Variants in TRIM14 observed in about 807,000 individuals in gnomAD.
TRIM14 encodes tripartite motif-containing protein 14.
A neutral mutation model predicts 44.5 loss-of-function variants in TRIM14; 28 were observed. The ratio of observed to expected loss-of-function variants is 0.63; its 90% CI spans 0.47 to 0.86. The LOEUF is 0.86. TRIM14 is among the 40% of genes least tolerant of loss of function. The pLI is 0.00. For missense variants in TRIM14, 607 were observed against 611.1 expected, an observed-to-expected ratio of 0.99 and a Z score of 0.07; for synonymous variants, 299 against 269.2, an observed-to-expected ratio of 1.11 and a Z score of -1.08.
intron 2 of TRIM14, among the ~76,000 whole-genome samples, chr9:98,108,395 ATAT>A: frequency 6.6e-6 from 1 of 151,912 alleles, no homozygotes; most frequent in East Asian, 1.9e-4. Flanking sequence ...AGTTTTTTGG[ATAT>A]TTTTTTTTTC....
downstream of TRIM14, among the ~76,000 whole-genome samples, chr9:98,065,248 A>G (rs957972271): frequency 2.0e-5 from 3 of 151,580 alleles, no homozygotes; most frequent in Non-Finnish European, 2.9e-5. Context: ...ACAGAGAATT[A>G]CAATGTTTAG....
intron 5 of TRIM14, 70 bp downstream of exon 5, chr9:98,091,839 T>C: frequency 9.3e-7 from 1 of 1,075,412 alleles, no homozygotes; most frequent in South Asian, 2.9e-5. Context: ...TCCATTTCCA[T>C]GATCCTCCTC....
intron 5 of TRIM14, among the ~76,000 whole-genome samples, chr9:98,089,337 T>C (rs147316687): frequency 0.015 from 2,264 of 152,166 alleles, 58 homozygotes; most frequent in African/African-American, 0.052. Context: ...CCACCACGCC[T>C]GGCTAATTTT....
At position 98,119,124 on chromosome 9, in the gene TRIM14, C is replaced by T. The variant is rs1316047001; in HGVS notation, c.65G>A (p.Trp22Ter). 6.3e-7 allele frequency: 1 copy of T among 1,587,438 alleles called. No individual in the cohort carries two copies. The highest frequency in any genetic ancestry group is 8.5e-7 in the Non-Finnish European group (1 of 1,176,170). ...GRSELVEGCG[W>*]RCPEHGDRVA... ...GCGGTCGCCATGCTCCGGGCAGCGC[C>T]AGCCGCATCCCTCGACAAGCTCCGA... The change falls in exon 1 of 6, where the codon TGG becomes TAG. Residue 22 changes from tryptophan to a stop codon, truncating the protein, a stop_gained. Coordinates refer to ENST00000341469, the MANE Select transcript of TRIM14 (RefSeq NM_014788.4). LOFTEE classifies it high-confidence loss of function.
intron 6 of TRIM14, chr9:98,074,635 T>C (rs1272654834): frequency 6.6e-6 from 1 of 152,172 alleles, no homozygotes; most frequent in Non-Finnish European, 1.5e-5. Flanking sequence ...AATTGGCCTT[T>C]TTCTTTACTT....
At chr9:98,049,340 T>TAAA in the TRIM14 span, among the ~76,000 whole-genome samples, 5 of 67,026 alleles carry the variant, frequency 7.5e-5, no homozygotes, top group South Asian at 6.8e-4. Flanking sequence ...AGACTCTGCA[T>TAAA]AAAAAAAAAA....
At chr9:98,080,675 G>A, downstream of TRIM14, 1 of 859,748 alleles carries the variant, frequency 1.2e-6, no homozygotes, top group East Asian at 2.7e-5. Context: ...GGAAAGAGAG[G>A]CTCAGAGAGC....
At chr9:98,100,249 T>A in intron 2 of TRIM14, 85 bp from the exon 3 acceptor site, 1 of 1,289,980 alleles carries the variant, frequency 7.8e-7, no homozygotes, top group Non-Finnish European at 1.1e-6. Context: ...TCATAACGTC[T>A]GAAATGTGAG....
At chr9:98,036,346 C>T in the TRIM14 span, among the ~76,000 whole-genome samples, 1 of 151,622 alleles carries the variant, frequency 6.6e-6, no homozygotes, top group African/African-American at 2.4e-5. Context: ...ACTAAAAATA[C>T]GAAAATTAGC....
the TRIM14 span, among the ~76,000 whole-genome samples, chr9:98,046,770 A>G: frequency 3.6e-4 from 55 of 152,238 alleles, no homozygotes; most frequent in African/African-American, 1.3e-3. Flanking sequence ...AGATTTCCAT[A>G]TTTTTATTTA....
At chr9:98,046,285 A>G in the TRIM14 span, among the ~76,000 whole-genome samples, 2 of 152,292 alleles carry the variant, frequency 1.3e-5, no homozygotes, top group East Asian at 3.9e-4. Context: ...CCCTGGAAGC[A>G]GCGAAGTCTT....
intron 2 of TRIM14, among the ~76,000 whole-genome samples, chr9:98,101,586 T>C (rs1826394462): frequency 1.3e-5 from 2 of 152,126 alleles, no homozygotes; most frequent in Non-Finnish European, 2.9e-5. Flanking sequence ...CATGCCTGGC[T>C]AATTTTTGTA....
intron 4 of TRIM14, 64 bp from the exon 5 acceptor site, chr9:98,092,065 A>G: frequency 7.8e-7 from 1 of 1,274,530 alleles, no homozygotes; most frequent in Non-Finnish European, 1.1e-6. Flanking sequence ...AAGACGTGCT[A>G]AAAATACCAC....
intron 6 of TRIM14, among the ~76,000 whole-genome samples, chr9:98,070,244 A>G (rs775057026): frequency 6.6e-6 from 1 of 152,084 alleles, no homozygotes; most frequent in Non-Finnish European, 1.5e-5. Flanking sequence ...CAGCCTCCCA[A>G]GTAGCTGGGA....
intron 6 of TRIM14, among the ~76,000 whole-genome samples, chr9:98,071,184 C>A (rs142920018): frequency 1.6e-4 from 24 of 152,322 alleles, no homozygotes; most frequent in African/African-American, 3.8e-4. Flanking sequence ...TACACATACC[C>A]CAGCTGTGTG....
chr9:98,060,963 T>G, the TRIM14 span: 4 of 1,613,780 alleles, frequency 2.5e-6, no homozygotes, highest in Non-Finnish European at 3.4e-6. Flanking sequence ...GCCGAGGAGG[T>G]TGGGATCTTC....
At chr9:98,098,954 T>C (rs1485921692) in intron 3 of TRIM14, among the ~76,000 whole-genome samples, 1 of 152,024 alleles carries the variant, frequency 6.6e-6, no homozygotes, top group Non-Finnish European at 1.5e-5. Flanking sequence ...GTATTTTTAG[T>C]AGAGAGGTGG....
At chr9:98,092,275 A>T (rs1377136585) in intron 4 of TRIM14, among the ~76,000 whole-genome samples, 1 of 152,216 alleles carries the variant, frequency 6.6e-6, no homozygotes, top group Non-Finnish European at 1.5e-5. Flanking sequence ...TGCAGATTCC[A>T]GGGTAAAGAT....
rs756706679 is a variant in TRIM14, at chr9:98,095,403, G to A, written c.538-374C>T. On this transcript the variant is annotated intron_variant, in intron 3 of 5. Coordinates refer to ENST00000341469, the MANE Select transcript of TRIM14 (RefSeq NM_014788.4). The surrounding 1 kb of genome is among the most constrained non-coding windows in gnomAD (Gnocchi z 4.1). The stretch of plus-strand genomic sequence containing the variant: ...GAGGCTTCAGCCTCACACACACTGC[G>A]CCACGGGTCTGCCTTGGGTACAAAA... Among the ~76,000 whole-genome samples, 20 of 152,196 alleles carry A rather than the reference G, an allele frequency of 1.3e-4. No individual in the cohort carries two copies. The highest frequency in any genetic ancestry group is 2.2e-4 in the Non-Finnish European group (15 of 68,044).
Sources: gnomAD v4.1 joint callset for allele counts (sites outside exome capture counted in the v4.1 genomes callset) on GRCh38, gnomAD v4.1.1 for gene constraint, Gnocchi (gnomAD v3.1) non-coding constraint, MANE v1.5 for transcripts, NCBI Gene and HGNC (gene_info 2026-07-23, HGNC 2026-07-21) for gene names.